MRNIP: variants seen among roughly 807,000 people sequenced by gnomAD.
The protein encoded by MRNIP is MRN complex interacting protein.
A neutral mutation model predicts 29.8 loss-of-function variants in MRNIP; 30 were observed. The ratio of observed to expected loss-of-function variants is 1.01; its 90% CI spans 0.75 to 1.36. The LOEUF is 1.36. Among genes scored for constraint, MRNIP ranks in the 40% most tolerant of loss-of-function variants. The pLI, the probability that MRNIP is intolerant of heterozygous loss-of-function variation, is 0.00. For missense variants in MRNIP, 459 were observed against 423.5 expected, an observed-to-expected ratio of 1.08 and a Z score of -0.74; for synonymous variants, 201 against 164.1, an observed-to-expected ratio of 1.23 and a Z score of -1.72.
At chr5:179,844,373 T>C (rs1424096370) in intron 3 of MRNIP, 146 bp from the exon 4 acceptor site, 3 of 637,894 alleles carry the variant, frequency 4.7e-6, no homozygotes, top group Non-Finnish European at 8.4e-6. Context: ...ACGAACACGG[T>C]GGTGCATACC....
At position 179,841,906 on chromosome 5, in the gene MRNIP, C is replaced by G; in HGVS notation, c.449+1G>C. 1 of 1,613,556 alleles carries G rather than the reference C, an allele frequency of 6.2e-7. No homozygotes were observed. Among genetic ancestry groups the G allele is most frequent in the Non-Finnish European group, 8.5e-7 (1 of 1,179,970 alleles). ...GGCTGGAACGGAGACGCACTTGGTA[C>G]CTTTTTCTAGGCAGGTCTTGACTGA... On this transcript the variant is annotated splice_donor_variant, in intron 5 of 6. Coordinates refer to ENST00000292586, the MANE Select transcript of MRNIP (RefSeq NM_016175.4). LOFTEE classifies it high-confidence loss of function.
chr5:179,838,298 G>A (rs1561613179), intron 6 of MRNIP: 2 of 240,590 alleles, frequency 8.3e-6, no homozygotes, highest in Non-Finnish European at 1.6e-5. Context: ...TGCAGCTGCA[G>A]AGGTGGCAGC....
At chr5:179,851,038 G>A (rs1171818819) in intron 2 of MRNIP, 1 of 362,546 alleles carries the variant, frequency 2.8e-6, no homozygotes, top group Non-Finnish European at 5.5e-6. Flanking sequence ...CATCTTCCCA[G>A]GACTGTTATG....
At chr5:179,846,782 G>A (rs541493794) in intron 3 of MRNIP, among the ~76,000 whole-genome samples, 3 of 152,242 alleles carry the variant, frequency 2.0e-5, no homozygotes, top group Non-Finnish European at 4.4e-5. Flanking sequence ...TTCAGCCATT[G>A]CCAAGGTCAA....
rs149235175 is a variant in MRNIP, at chr5:179,848,028, A to G, written c.165T>C (p.His55=). Residue 55 remains histidine, a synonymous_variant, in exon 3 of 7, where the codon CAT becomes CAC. Transcript: ENST00000292586. ...CCTGTAGTAGATTTAACTTTTGGACATGGCGTCTACAATCAGCACCAGAGC... is the reference window on the plus strand; with the variant it reads ...CCTGTAGTAGATTTAACTTTTGGACGTGGCGTCTACAATCAGCACCAGAGC... ...GEGSGADCRR[H]VQKLNLLQGQ... is the part of the protein sequence containing the mutation. The G allele has an allele frequency of 1.2e-6, 2 of 1,614,080 alleles. No homozygotes were observed. Among genetic ancestry groups the G allele is most frequent in the East Asian group, 4.5e-5 (2 of 44,884 alleles).
At position 179,853,082 on chromosome 5, in the gene MRNIP, GTGCATC is replaced by G; in HGVS notation, c.126+290_126+295del. 3 of 581,292 alleles carry G rather than the reference GTGCATC, an allele frequency of 5.2e-6. 1 individual carries two copies. Among genetic ancestry groups the G allele is most frequent in the Non-Finnish European group, 8.8e-6 (3 of 342,460 alleles). 36.0% of individuals were successfully genotyped at this position (581,292 alleles called of 1,614,324 possible). A position where few individuals can be genotyped will look rare whatever the true frequency, so the allele number is the denominator to read the frequency against. ...TAGTTTCTCTTCCCCTTCCACACAA[GTGCATC>G]TGTGAGGGCAAGAATGACAATGGGC... On this transcript the variant is annotated intron_variant, in intron 2 of 6. Coordinates refer to ENST00000292586, the MANE Select transcript of MRNIP (RefSeq NM_016175.4).
chr5:179,841,151 G>C (rs1758867460), intron 5 of MRNIP, 192 bp from the exon 6 acceptor site: 1 of 575,318 alleles, frequency 1.7e-6, no homozygotes, highest in Non-Finnish European at 3.1e-6. Flanking sequence ...GTGCTAGAAA[G>C]TTTTGTTTTT....
At chr5:179,858,035 A>T (rs958304315) in intron 1 of MRNIP, among the ~76,000 whole-genome samples, 19 of 134,600 alleles carry the variant, frequency 1.4e-4, no homozygotes, top group South Asian at 7.4e-4. Context: ...AAAGAAGAAG[A>T]AGTCTGATGC....
chr5:179,841,322 G>A (rs1328631706), intron 5 of MRNIP: 2 of 244,706 alleles, frequency 8.2e-6, no homozygotes, highest in Admixed American at 5.3e-5. Flanking sequence ...AAAATCTGTT[G>A]TACAGATAGG....
intron 2 of MRNIP, among the ~76,000 whole-genome samples, chr5:179,852,093 C>A (rs1223732135): frequency 6.6e-6 from 1 of 151,682 alleles, no homozygotes; most frequent in Admixed American, 6.6e-5. Flanking sequence ...CCAGCCTGGC[C>A]AACATGGTGA....
chr5:179,858,185 C>G (rs1366842008), intron 1 of MRNIP, among the ~76,000 whole-genome samples: 4 of 127,492 alleles, frequency 3.1e-5, no homozygotes, highest in Non-Finnish European at 5.2e-5. Context: ...CATTCTCTAT[C>G]TGGCACGCTG....
chr5:179,850,256 ATTTGAGAG>A (rs1759315687), intron 2 of MRNIP, among the ~76,000 whole-genome samples: 1 of 152,148 alleles, frequency 6.6e-6, no homozygotes, highest in South Asian at 2.1e-4. Flanking sequence ...ACGAGATGGA[ATTTGAGAG>A]CATGCGTCCT....
chr5:179,848,532 A>G (rs1447493918), intron 2 of MRNIP, among the ~76,000 whole-genome samples: 2 of 152,176 alleles, frequency 1.3e-5, no homozygotes, highest in Non-Finnish European at 2.9e-5. Flanking sequence ...TTGAATACCA[A>G]CTGTGTGCCA....
At chr5:179,843,067 G>GGAAGGAAGGA (rs1561616790) in intron 4 of MRNIP, among the ~76,000 whole-genome samples, 2 of 117,518 alleles carry the variant, frequency 1.7e-5, no homozygotes, top group Non-Finnish European at 3.9e-5. Context: ...GGAAGGGAGG[G>GGAAGGAAGGA]AGGGAGGGAG....
intron 5 of MRNIP, 122 bp downstream of exon 5, chr5:179,841,760 GGCAGCAGCTGCCCGATTTCCCACCT>G (rs1758888430): frequency 1.2e-6 from 1 of 816,944 alleles, no homozygotes; most frequent in Non-Finnish European, 2.0e-6. Context: ...GGCCAGCAGT[GGCAGCAGCTGCCCGATTTCCCACCT>G]GCTGGCACTT....
intron 2 of MRNIP, among the ~76,000 whole-genome samples, chr5:179,849,006 A>G (rs897769016): frequency 6.6e-6 from 1 of 151,934 alleles, no homozygotes; most frequent in Non-Finnish European, 1.5e-5. Flanking sequence ...ACAAGACGGA[A>G]TTTGAGACCA....
chr5:179,853,886 T>C (rs1375386194), intron 1 of MRNIP, among the ~76,000 whole-genome samples: 1 of 151,986 alleles, frequency 6.6e-6, no homozygotes, highest in African/African-American at 2.4e-5. Flanking sequence ...CTAATTTTTG[T>C]ATTTTAGTAG....
At chr5:179,855,905 T>C (rs887560566) in intron 1 of MRNIP, among the ~76,000 whole-genome samples, 2 of 139,618 alleles carry the variant, frequency 1.4e-5, no homozygotes, top group Admixed American at 7.1e-5. Context: ...GTAAGAAAAG[T>C]TGTTTTTTTT....
In MRNIP at chr5:179,841,895, CGCA is replaced by C; in HGVS notation, c.449+9_449+11del. Reference sequence around the variant, plus strand: ...CCCTGGGCCAGGGCTGGAACGGAGACGCACTTGGTACCTTTTTCTAGGCAGGTC... The same window carrying C: ...CCCTGGGCCAGGGCTGGAACGGAGACCTTGGTACCTTTTTCTAGGCAGGTC... On this transcript the variant is annotated intron_variant, in intron 5 of 6. Coordinates refer to ENST00000292586, the MANE Select transcript of MRNIP (RefSeq NM_016175.4). The C allele has an allele frequency of 6.2e-7, 1 of 1,612,638 alleles. No individual in the cohort carries two copies. The highest frequency in any genetic ancestry group is 8.5e-7 in the Non-Finnish European group (1 of 1,179,646).
Sources: gnomAD v4.1 joint callset for allele counts (sites outside exome capture counted in the v4.1 genomes callset) on GRCh38, gnomAD v4.1.1 for gene constraint, MANE v1.5 for transcripts, NCBI Gene and HGNC (gene_info 2026-07-23, HGNC 2026-07-21) for gene names.